The following ZDHHC11B variants were observed in gnomAD, a reference collection of about 807,000 sequenced individuals.
ZDHHC11B encodes the protein probable palmitoyltransferase ZDHHC11B.
In ZDHHC11B, 17 loss-of-function variants were observed where a neutral mutation model predicts 42.3. The ratio of observed to expected loss-of-function variants is 0.40; its 90% confidence interval spans 0.27 to 0.60. The LOEUF (loss-of-function observed/expected upper bound fraction) is 0.60, where lower values mean the gene tolerates loss of function less well. Among genes scored for constraint, ZDHHC11B ranks in the 20% least tolerant of loss-of-function variants. The probability of loss-of-function intolerance (pLI) is 0.41; values close to 1 mark genes in which losing one functional copy is unlikely to be tolerated. For missense variants in ZDHHC11B, 262 were observed against 463.2 expected (o/e 0.57, Z 3.99); for synonymous variants, 123 against 193.5 (o/e 0.64, Z 3.02).
chr5:771,245 C>T (rs1736004685), intron 1 of ZDHHC11B, among the ~76,000 whole-genome samples: 1 of 151,814 alleles, frequency 6.6e-6, no homozygotes, highest in African/African-American at 2.4e-5. Flanking sequence ...CGTGGGGGTC[C>T]TGAGTGTGGC....
chr5:773,358 T>C (rs1453276208), intron 1 of ZDHHC11B, among the ~76,000 whole-genome samples: 1 of 151,792 alleles, frequency 6.6e-6, no homozygotes, highest in Non-Finnish European at 1.5e-5. Flanking sequence ...TCTTTCACCG[T>C]GAGGGAAAAG....
At chr5:743,279 G>A (rs926408591) in intron 9 of ZDHHC11B, among the ~76,000 whole-genome samples, 3 of 149,684 alleles carry the variant, frequency 2.0e-5, no homozygotes, top group African/African-American at 7.3e-5. Context: ...CTCTCTCTAT[G>A]TCAGCGCCAC....
chr5:715,025 G>A (rs1318785888), intron 13 of ZDHHC11B, among the ~76,000 whole-genome samples: 3 of 149,560 alleles, frequency 2.0e-5, no homozygotes, highest in South Asian at 2.1e-4. Context: ...ACCTTCTGCT[G>A]TTAGTGGAAG....
At chr5:777,971 G>A (rs1274486820) in intron 1 of ZDHHC11B, among the ~76,000 whole-genome samples, 3 of 151,906 alleles carry the variant, frequency 2.0e-5, no homozygotes, top group Admixed American at 6.6e-5. Flanking sequence ...TGCCCAGCAG[G>A]GAGGCGGCTG....
intron 1 of ZDHHC11B, among the ~76,000 whole-genome samples, chr5:770,158 G>T (rs1735883278): frequency 6.6e-6 from 1 of 150,604 alleles, no homozygotes; most frequent in Non-Finnish European, 1.5e-5. Context: ...CCCGGGCCAT[G>T]TCCCAGCTGA....
At chr5:745,843 C>T (rs1435564210) in intron 8 of ZDHHC11B, among the ~76,000 whole-genome samples, 4 of 149,724 alleles carry the variant, frequency 2.7e-5, no homozygotes, top group African/African-American at 7.4e-5. Flanking sequence ...TGCTGGCTAG[C>T]GGGTCCTGGG....
chr5:746,145 G>A (rs1272592410), intron 8 of ZDHHC11B, among the ~76,000 whole-genome samples: 1 of 148,198 alleles, frequency 6.7e-6, no homozygotes. Context: ...TTTCAGCCAC[G>A]AGCTTCCATG....
rs1736687373 is a variant in ZDHHC11B at position 778,033 on chromosome 5, AC to A, written c.-230+6634del. ...GCAGGCGGGCTGGCAGTGCTGGGGG[AC>A]CCGGCGCACCTCCGCAGCCACCGTA... On this transcript the variant is annotated intron_variant, in intron 1 of 13. Coordinates refer to ENST00000508859, the MANE Select transcript of ZDHHC11B (RefSeq NM_001351303.2). Among the ~76,000 whole-genome samples, 2 of 151,804 alleles carry A rather than the reference AC, an allele frequency of 1.3e-5. 1 individual carries two copies. The highest frequency in any genetic ancestry group is 2.9e-5 in the Non-Finnish European group (2 of 67,884).
chr5:753,924 T>C (rs1424635536), intron 6 of ZDHHC11B, among the ~76,000 whole-genome samples: 3 of 144,720 alleles, frequency 2.1e-5, no homozygotes, highest in African/African-American at 4.9e-5. Flanking sequence ...GCGTGGTTCT[T>C]TTCCCTGGTG....
chr5:733,766 C>A lies in ZDHHC11B; in HGVS notation c.1009G>T (p.Asp337Tyr). The change falls in exon 11 of 14, where the codon GAT (aspartate) becomes TAT (tyrosine). Residue 337 changes from aspartate to tyrosine, a missense_variant. Around this residue, in one of 5 missense-constraint regions of ZDHHC11B, gnomAD observed 75 missense variants for 70.1 expected, o/e 1.07. Coordinates refer to ENST00000508859, the MANE Select transcript of ZDHHC11B (RefSeq NM_001351303.2). ...HFCTSVNQDGDSKAQEADDAP... is the reference protein window; with the variant it reads ...HFCTSVNQDGYSKAQEADDAP... ...CTGCAACTTACCTGTGCCTTCGAATCCCCGTCCTGGTTTACTGAAGTGCAG... is the reference window on the plus strand; with the variant it reads ...CTGCAACTTACCTGTGCCTTCGAATACCCGTCCTGGTTTACTGAAGTGCAG... 2 of 1,611,376 alleles carry A rather than the reference C, an allele frequency of 1.2e-6. No homozygotes were observed. The highest frequency in any genetic ancestry group is 1.7e-6 in the Non-Finnish European group (2 of 1,179,296).
rs762246473 is a variant in ZDHHC11B, at chr5:766,719, C to A, written c.201G>T (p.Ser67=). Residue 67 remains serine, a synonymous_variant, in exon 4 of 14, where the codon TCG becomes TCT. Transcript: ENST00000508859. ...FRIFIPLLPH[S]WKYIAYVVTG... ...ATACCACATAGGCGATGTATTTCCA[C>A]GAGTGAGGCAGGAGGGGAATGAAGA... The A allele has an allele frequency of 2.5e-6, 4 of 1,610,556 alleles. No individual in the cohort carries two copies. The highest frequency in any genetic ancestry group is 3.4e-6 in the Non-Finnish European group (4 of 1,178,268).
chr5:724,755 T>G (rs1742447819), intron 12 of ZDHHC11B, among the ~76,000 whole-genome samples: 1 of 150,328 alleles, frequency 6.7e-6, no homozygotes, highest in Non-Finnish European at 1.5e-5. Context: ...AATATTTTAT[T>G]AAAATTTCAA....
chr5:777,585 G>A (rs933016868), intron 1 of ZDHHC11B, among the ~76,000 whole-genome samples: 4 of 151,950 alleles, frequency 2.6e-5, no homozygotes, highest in African/African-American at 7.2e-5. Context: ...CTTTTATTCC[G>A]TTATCTGACC....
At chr5:783,776 G>GCCCCCCAAACCCCATCAAAACAGCAGC (rs67463652) in intron 1 of ZDHHC11B, among the ~76,000 whole-genome samples, 2 of 80,684 alleles carry the variant, frequency 2.5e-5, no homozygotes, top group Non-Finnish European at 4.9e-5. Context: ...CAAAACAGCA[G>GCCCCCCAAACCCCATCAAAACAGCAGC]CCCCCAAACC....
At chr5:751,768 C>T (rs1299353847) in intron 6 of ZDHHC11B, among the ~76,000 whole-genome samples, 1 of 125,522 alleles carries the variant, frequency 8.0e-6, no homozygotes, top group East Asian at 3.4e-4. Flanking sequence ...CTCCAGGCCT[C>T]TCGCTGGAGA....
At chr5:751,464 G>A (rs1194775765) in intron 6 of ZDHHC11B, among the ~76,000 whole-genome samples, 2 of 28,188 alleles carry the variant, frequency 7.1e-5, no homozygotes, top group Admixed American at 4.5e-4. Flanking sequence ...CAGGGCATCT[G>A]AGGCAGGGGC....
intron 1 of ZDHHC11B, among the ~76,000 whole-genome samples, chr5:775,800 C>T (rs1228805944): frequency 5.3e-5 from 8 of 151,684 alleles, no homozygotes; most frequent in African/African-American, 1.7e-4. Context: ...TCCATGCCCT[C>T]GGGGCACTGG....
rs1335325372 is a variant in ZDHHC11B, at chr5:750,414, C to T, written c.628+719G>A. Among the ~76,000 whole-genome samples, 7 of 144,096 alleles carry T rather than the reference C, an allele frequency of 4.9e-5. No individual in the cohort carries two copies. The East Asian group carries it at 1.6e-3, about 33-fold the overall frequency. The allele number at this position is 144,096 out of a possible 152,430, so 94.5% of individuals were successfully genotyped here. On this transcript the variant is annotated intron_variant, in intron 7 of 13. Transcript: ENST00000508859. The stretch of plus-strand genomic sequence containing the variant: ...GGCTGTGTGACTCCACCCCTGCCTC[C>T]ATCCTCACGAGGCCCCCTCCCCTCT...
chr5:757,870 CTGG>C (rs1314074769), intron 4 of ZDHHC11B, among the ~76,000 whole-genome samples: 1 of 151,856 alleles, frequency 6.6e-6, no homozygotes, highest in Non-Finnish European at 1.5e-5. Context: ...CAGCCAGGCC[CTGG>C]GGGACTCACA....
Sources: gnomAD v4.1 joint callset for allele counts (sites outside exome capture counted in the v4.1 genomes callset) on GRCh38, gnomAD v4.1.1 for gene constraint, gnomAD v4.1.1 regional missense constraint, MANE v1.5 for transcripts, NCBI Gene and HGNC (gene_info 2026-07-23, HGNC 2026-07-21) for gene names.